Variants in NOMO1 observed in about 807,000 individuals in gnomAD.
The protein encoded by NOMO1 is NODAL modulator 1, also known as nodal modulator 3.
NOMO1 carries 40 observed loss-of-function variants against 133.8 expected under a neutral mutation model. The ratio of observed to expected loss-of-function variants is 0.30; its 90% CI spans 0.23 to 0.39. The LOEUF (loss-of-function observed/expected upper bound fraction) is 0.39, where lower values mean the gene tolerates loss of function less well. Ranked by LOEUF, NOMO1 falls within the 10% of genes least tolerant of loss-of-function variation. The probability of loss-of-function intolerance (pLI) is 1.00; values close to 1 mark genes in which losing one functional copy is unlikely to be tolerated. For missense variants in NOMO1, 462 were observed against 1,419.9 expected, an observed-to-expected ratio of 0.33 and a Z score of 10.84; for synonymous variants, 236 against 570.5, an observed-to-expected ratio of 0.41 and a Z score of 8.36.
At chr16:14,881,510 A>G (rs758197473) in intron 24 of NOMO1, 34 bp from the exon 25 acceptor site, 19 of 1,600,418 alleles carry the variant, frequency 1.2e-5, no homozygotes, top group Non-Finnish European at 1.5e-5. Context: ...TAACCATGAG[A>G]ATATCTCATT....
rs1401383596 is a variant in NOMO1 at position 14,869,720 on chromosome 16, T to C, written c.1894+1085T>C. 2.0e-5 allele frequency among the ~76,000 whole-genome samples: 3 copies of C among 151,766 alleles called. No individual in the cohort carries two copies. The East Asian group carries it at 5.8e-4, about 29-fold the overall frequency. On this transcript the variant is annotated intron_variant, in intron 16 of 30. Transcript: ENST00000287667. ...GTTACGGACATTCTTGTACAAGTCT[T>C]TGTGTCCGTATGTTTTCATTTTTCT...
intron 9 of NOMO1, 86 bp from the exon 10 acceptor site, chr16:14,857,131 G>T (rs1963851060): frequency 2.4e-5 from 38 of 1,590,788 alleles, no homozygotes; most frequent in Non-Finnish European, 3.1e-5. Flanking sequence ...GACATGGTAG[G>T]TGGTGGCCGG....
rs1334526495 is a variant in NOMO1, at chr16:14,876,810, CA to C, written c.2643+24del. Reference sequence around the variant, plus strand: ...TTTGAGGTAACTAACACTGTATTTTCAAAAGGCAGTTATACTGAGGTATAAT... The same window carrying C: ...TTTGAGGTAACTAACACTGTATTTTCAAAGGCAGTTATACTGAGGTATAAT... On this transcript the variant is annotated intron_variant, in intron 22 of 30. Coordinates refer to ENST00000287667, the MANE Select transcript of NOMO1 (RefSeq NM_014287.4). 1.2e-6 allele frequency: 2 copies of C among 1,609,142 alleles called. No homozygotes were observed. Among genetic ancestry groups the C allele is most frequent in the African/African-American group, 2.7e-5 (2 of 73,792 alleles).
intron 9 of NOMO1, among the ~76,000 whole-genome samples, chr16:14,856,394 T>C (rs1217778287): frequency 1.3e-5 from 2 of 151,890 alleles, no homozygotes; most frequent in Non-Finnish European, 2.9e-5. Flanking sequence ...GAGCCAGTGA[T>C]GGTGGTGGAG....
At chr16:14,886,036 C>A (rs1163748681) in intron 27 of NOMO1, among the ~76,000 whole-genome samples, 1 of 152,032 alleles carries the variant, frequency 6.6e-6, no homozygotes, top group South Asian at 2.1e-4. Context: ...CATTCTCTTG[C>A]GGCAGGTGCA....
At chr16:14,862,290 A>G (rs1963931975) in intron 11 of NOMO1, 3 of 152,048 alleles carry the variant, frequency 2.0e-5, no homozygotes, top group Non-Finnish European at 4.4e-5. Flanking sequence ...GAAGACCAGC[A>G]CTCCAAGGAT....
chr16:14,880,743 C>A (rs1226522474), intron 24 of NOMO1, among the ~76,000 whole-genome samples: 4 of 152,042 alleles, frequency 2.6e-5, no homozygotes. Context: ...AAAATGTGCT[C>A]AGTTGAATAA....
intron 9 of NOMO1, among the ~76,000 whole-genome samples, chr16:14,855,409 C>T (rs2151896096): frequency 6.6e-6 from 1 of 151,682 alleles, no homozygotes; most frequent in African/African-American, 2.4e-5. Flanking sequence ...ATAACAGCCT[C>T]TCCTAAGTGG....
chr16:14,838,578 A>G (rs1413502044), intron 2 of NOMO1, 82 bp downstream of exon 2: 8 of 1,589,474 alleles, frequency 5.0e-6, no homozygotes, highest in South Asian at 2.2e-5. Flanking sequence ...CCTTTCCTAC[A>G]CTAGCAAATG....
At chr16:14,867,880 C>T (rs1964027121) in intron 15 of NOMO1, among the ~76,000 whole-genome samples, 1 of 135,728 alleles carries the variant, frequency 7.4e-6, no homozygotes, top group Non-Finnish European at 1.6e-5. Context: ...TTCCAGCTCT[C>T]TTGTAATAAG....
intron 16 of NOMO1, 107 bp from the exon 17 acceptor site, chr16:14,871,514 G>C (rs976801048): frequency 6.6e-7 from 1 of 1,512,760 alleles, no homozygotes; most frequent in African/African-American, 1.4e-5. Context: ...TCTGCGATAC[G>C]TTTGAGTTTT....
At chr16:14,866,356 G>A (rs559710175) in intron 14 of NOMO1, among the ~76,000 whole-genome samples, 199 bp from the exon 15 acceptor site, 3 of 150,996 alleles carry the variant, frequency 2.0e-5, no homozygotes, top group South Asian at 2.1e-4. Context: ...CACCACGCTC[G>A]ACTCCAGGTT....
At chr16:14,850,290 A>G (rs966775933) in intron 6 of NOMO1, among the ~76,000 whole-genome samples, 7 of 151,876 alleles carry the variant, frequency 4.6e-5, no homozygotes, top group Non-Finnish European at 1.0e-4. Context: ...TAGAAAAATT[A>G]TGAAGACATG....
intron 2 of NOMO1, among the ~76,000 whole-genome samples, chr16:14,839,143 C>G (rs1425989579): frequency 2.0e-5 from 3 of 151,776 alleles, no homozygotes; most frequent in Non-Finnish European, 2.9e-5. Flanking sequence ...CAACCTCCAC[C>G]CCCCAGGTTC....
At chr16:14,842,789 T>C (rs887146133) in intron 3 of NOMO1, among the ~76,000 whole-genome samples, 4 of 150,580 alleles carry the variant, frequency 2.7e-5, no homozygotes, top group African/African-American at 4.9e-5. Flanking sequence ...CAGGGAACTT[T>C]TTAATATCCG....
intron 29 of NOMO1, among the ~76,000 whole-genome samples, chr16:14,892,404 C>T (rs1467719576): frequency 6.6e-6 from 1 of 151,476 alleles, no homozygotes; most frequent in African/African-American, 2.4e-5. Context: ...ACAACTCATC[C>T]GGGCTCAGGG....
intron 9 of NOMO1, among the ~76,000 whole-genome samples, chr16:14,856,920 G>A (rs1000790928): frequency 8.5e-5 from 13 of 152,098 alleles, no homozygotes; most frequent in African/African-American, 2.9e-4. Flanking sequence ...AGATGGCACC[G>A]GGGTAAGGGT....
intron 6 of NOMO1, among the ~76,000 whole-genome samples, chr16:14,850,815 G>T (rs975228553): frequency 4.6e-5 from 7 of 151,864 alleles, no homozygotes; most frequent in African/African-American, 1.7e-4. Flanking sequence ...GGGCGCAGTT[G>T]CTCATGCTGT....
At chr16:14,861,837 A>AT (rs59178036) in intron 11 of NOMO1, among the ~76,000 whole-genome samples, 11 of 103,054 alleles carry the variant, frequency 1.1e-4, no homozygotes, top group South Asian at 4.0e-4. Flanking sequence ...CTTTCTTTTG[A>AT]TTTTTTTTTT....
Sources: allele counts gnomAD v4.1 joint callset (sites outside exome capture counted in the v4.1 genomes callset), GRCh38; gene constraint gnomAD v4.1.1; transcripts MANE v1.5; gene names NCBI Gene and HGNC (gene_info 2026-07-23, HGNC 2026-07-21).